EPHB1: variants seen among roughly 807,000 people sequenced by gnomAD.
EPHB1 encodes the protein ephrin type-B receptor 1.
EPHB1 carries 30 observed loss-of-function variants against 94.4 expected under a neutral mutation model. The ratio of observed to expected loss-of-function variants is 0.32; its 90% CI spans 0.24 to 0.43. The LOEUF (loss-of-function observed/expected upper bound fraction) is 0.43. Ranked by LOEUF, EPHB1 falls within the 20% of genes least tolerant of loss-of-function variation. The probability of loss-of-function intolerance (pLI) is 1.00; values close to 1 mark genes in which losing one functional copy is unlikely to be tolerated. For missense variants in EPHB1, 1,055 were observed against 1,308.3 expected (o/e 0.81, Z 2.99); for synonymous variants, 522 against 489.1 (o/e 1.07, Z -0.89).
chr3:135,190,841 G>A (rs916607777), intron 10 of EPHB1, among the ~76,000 whole-genome samples: 4 of 152,190 alleles, frequency 2.6e-5, no homozygotes, highest in Admixed American at 6.5e-5. Context: ...TGGCATGTCT[G>A]CTATGTGCCA....
intron 3 of EPHB1, among the ~76,000 whole-genome samples, chr3:134,994,986 T>TTGTGTGTGTGTGTGTG (rs57873051): frequency 1.1e-4 from 17 of 148,476 alleles, no homozygotes; most frequent in Admixed American, 5.4e-4. Flanking sequence ...TTACATACAC[T>TTGTGTGTGTGTGTGTG]TGTGTGTGTG....
chr3:134,827,890 C>G (rs1053012631), intron 1 of EPHB1, among the ~76,000 whole-genome samples: 1 of 152,234 alleles, frequency 6.6e-6, no homozygotes, highest in Non-Finnish European at 1.5e-5. Context: ...GCCTGCCTCT[C>G]TGCCTGGCAT....
At chr3:134,904,359 G>A (rs963387202) in intron 1 of EPHB1, among the ~76,000 whole-genome samples, 5 of 152,184 alleles carry the variant, frequency 3.3e-5, no homozygotes, top group Non-Finnish European at 7.3e-5. Flanking sequence ...ATTCTCTTCT[G>A]TTTAAGGGAC....
At chr3:135,258,777 G>A (rs186317161) in intron 15 of EPHB1, among the ~76,000 whole-genome samples, 124 of 152,292 alleles carry the variant, frequency 8.1e-4, no homozygotes, top group Admixed American at 7.0e-3. Flanking sequence ...CACACCCCTG[G>A]AACAAGGCAC....
At chr3:134,940,641 C>T (rs2039095719) in intron 2 of EPHB1, among the ~76,000 whole-genome samples, 1 of 152,222 alleles carries the variant, frequency 6.6e-6, no homozygotes, top group Non-Finnish European at 1.5e-5. Context: ...AGGCTAGCTC[C>T]TGTGTTTCAT....
chr3:135,139,058 C>A (rs1940720707), intron 5 of EPHB1, among the ~76,000 whole-genome samples: 1 of 152,206 alleles, frequency 6.6e-6, no homozygotes, highest in Non-Finnish European at 1.5e-5. Context: ...CCTGAGAGAG[C>A]AGCCGCACAA....
At chr3:134,935,953 T>A (rs2107707144) in intron 2 of EPHB1, among the ~76,000 whole-genome samples, 1 of 152,298 alleles carries the variant, frequency 6.6e-6, no homozygotes, top group South Asian at 2.1e-4. Flanking sequence ...GTGGCATCTC[T>A]CCCATTTCCA....
At chr3:135,140,002 A>G (rs2107689813) in intron 5 of EPHB1, among the ~76,000 whole-genome samples, 1 of 152,274 alleles carries the variant, frequency 6.6e-6, no homozygotes, top group South Asian at 2.1e-4. Flanking sequence ...GGAGTACCAG[A>G]GTGCCCACAG....
intron 6 of EPHB1, among the ~76,000 whole-genome samples, chr3:135,156,554 G>A (rs1941361684): frequency 6.6e-6 from 1 of 152,220 alleles, no homozygotes; most frequent in South Asian, 2.1e-4. Flanking sequence ...CTCCCTGAAA[G>A]CGGAGGTCTA....
intron 1 of EPHB1, among the ~76,000 whole-genome samples, chr3:134,924,851 G>A (rs2038758689): frequency 6.6e-6 from 1 of 152,162 alleles, no homozygotes; most frequent in Non-Finnish European, 1.5e-5. Context: ...GTGAGAAAAT[G>A]CCATTTATTC....
chr3:134,836,865 G>T (rs1660411582), intron 1 of EPHB1, among the ~76,000 whole-genome samples: 1 of 152,142 alleles, frequency 6.6e-6, no homozygotes, highest in Non-Finnish European at 1.5e-5. Flanking sequence ...ATTCCCTAGT[G>T]ATTAATCTGG....
intron 12 of EPHB1, among the ~76,000 whole-genome samples, chr3:135,203,522 C>T (rs1311172806): frequency 1.3e-5 from 2 of 151,914 alleles, no homozygotes; most frequent in Non-Finnish European, 2.9e-5. Context: ...GGCTAAGAGG[C>T]AAAATGAAAG....
chr3:135,123,930 G>T (rs1173479309), intron 4 of EPHB1, among the ~76,000 whole-genome samples: 2 of 151,438 alleles, frequency 1.3e-5, no homozygotes, highest in African/African-American at 4.9e-5. Flanking sequence ...CTTCTAGCCT[G>T]TCCTCCACAA....
intron 3 of EPHB1, among the ~76,000 whole-genome samples, chr3:135,094,440 C>T (rs868616369): frequency 7.2e-5 from 11 of 152,274 alleles, no homozygotes; most frequent in Middle Eastern, 3.4e-3. Context: ...CATGTTTATG[C>T]TGTTTCTCCT....
intron 3 of EPHB1, among the ~76,000 whole-genome samples, chr3:135,008,732 G>A (rs1424022327): frequency 6.6e-6 from 1 of 152,208 alleles, no homozygotes; most frequent in Non-Finnish European, 1.5e-5. Flanking sequence ...CTAGTTGAGT[G>A]GAAATGGCAT....
intron 1 of EPHB1, among the ~76,000 whole-genome samples, chr3:134,873,383 G>A (rs2037543645): frequency 6.6e-6 from 1 of 152,210 alleles, no homozygotes; most frequent in African/African-American, 2.4e-5. Flanking sequence ...AACTCTTCTA[G>A]TGTGTATCTG....
chr3:134,894,330 C>T (rs1356628445), intron 1 of EPHB1, among the ~76,000 whole-genome samples: 2 of 152,174 alleles, frequency 1.3e-5, no homozygotes, highest in African/African-American at 2.4e-5. Context: ...GCTCAGGTCA[C>T]CCCTCTCTTG....
chr3:135,143,219 C>A (rs1460744333), intron 5 of EPHB1, among the ~76,000 whole-genome samples: 1 of 152,046 alleles, frequency 6.6e-6, no homozygotes, highest in African/African-American at 2.4e-5. Context: ...AGAAGAGGCC[C>A]ACAACTCCAT....
intron 12 of EPHB1, among the ~76,000 whole-genome samples, chr3:135,235,635 TC>T (rs1259130939): frequency 6.6e-6 from 1 of 152,162 alleles, no homozygotes; most frequent in East Asian, 1.9e-4. Flanking sequence ...CCCAGGTGAT[TC>T]CAGTAGGTAA....
Sources: allele counts gnomAD v4.1 joint callset (sites outside exome capture counted in the v4.1 genomes callset), GRCh38; gene constraint gnomAD v4.1.1; transcripts MANE v1.5; gene names NCBI Gene and HGNC (gene_info 2026-07-23, HGNC 2026-07-21).